SLC49A3: variants seen among roughly 807,000 people sequenced by gnomAD.
SLC49A3 encodes solute carrier family 49 member A3.
Under a neutral mutation model 43.8 loss-of-function variants are expected in SLC49A3, and 50 were observed. The observed-to-expected ratio is 1.14, with a 90% CI of 0.91 to 1.45. The LOEUF is 1.45. Ranked by LOEUF, SLC49A3 falls within the 40% of genes most tolerant of loss-of-function variation. The pLI is 0.00. For missense variants in SLC49A3, 906 were observed against 774.1 expected (o/e 1.17, Z -2.02); for synonymous variants, 413 against 352.0 (o/e 1.17, Z -1.94).
chr4:687,531 C>T (rs956632415), intron 1 of SLC49A3, among the ~76,000 whole-genome samples: 85 of 152,188 alleles, frequency 5.6e-4, no homozygotes, highest in Non-Finnish European at 1.1e-3. Flanking sequence ...TGGCCGAGCC[C>T]GGGAGAGAAA....
chr4:677,227 G>A (rs1738933086), downstream of SLC49A3, among the ~76,000 whole-genome samples: 1 of 152,148 alleles, frequency 6.6e-6, no homozygotes, highest in Non-Finnish European at 1.5e-5. Context: ...TGCTTGGCCT[G>A]CAGACCCTCC....
chr4:681,381 C>T (rs554932058), downstream of SLC49A3, among the ~76,000 whole-genome samples: 209 of 152,148 alleles, frequency 1.4e-3, 1 homozygote, highest in African/African-American at 4.7e-3. Context: ...CCTCCGCGGC[C>T]TGAGCGTCTG....
chr4:686,578 C>G lies in SLC49A3; in HGVS notation c.248G>C (p.Gly83Ala). Reference protein sequence around the residue: ...LVYLVVSTPFGVAAIWILDSV... With the variant: ...LVYLVVSTPFAVAAIWILDSV... ...GTCCAGGATCCAGATGGCCGCCACG[C>G]CAAATGGGGTGGATACCACGAGGTA... The change falls in exon 2 of 10, where the codon GGC (glycine) becomes GCC (alanine). Residue 83 changes from glycine (G) to alanine (A), a missense_variant. Transcript: ENST00000322224. 3 of 1,613,198 alleles carry G rather than the reference C, an allele frequency of 1.9e-6. No individual in the cohort carries two copies. In the South Asian group the frequency reaches 3.3e-5, roughly 18 times the overall value.
intron 8 of SLC49A3, among the ~76,000 whole-genome samples, 158 bp from the exon 9 acceptor site, chr4:683,048 T>A (rs1740139472): frequency 6.6e-6 from 1 of 152,136 alleles, no homozygotes. Context: ...CGGCCCGGCC[T>A]GCACACAGCA....
At chr4:677,460 T>C (rs1183308645), downstream of SLC49A3, among the ~76,000 whole-genome samples, 1 of 152,144 alleles carries the variant, frequency 6.6e-6, no homozygotes, top group Non-Finnish European at 1.5e-5. Flanking sequence ...TCATCACCCA[T>C]GGGCCAGGCA....
At chr4:678,955 C>T (rs1156773493), downstream of SLC49A3, 1 of 1,613,768 alleles carries the variant, frequency 6.2e-7, no homozygotes, top group Non-Finnish European at 8.5e-7. Flanking sequence ...CCTTGGTCCC[C>T]AGGCATTCAC....
chr4:690,882 C>G (rs1226200156), upstream of SLC49A3, among the ~76,000 whole-genome samples: 1 of 152,220 alleles, frequency 6.6e-6, no homozygotes, highest in East Asian at 1.9e-4. Context: ...TTGATGTATA[C>G]CAACAAGAAA....
upstream of SLC49A3, among the ~76,000 whole-genome samples, chr4:690,338 G>A (rs923384437): frequency 1.3e-5 from 2 of 152,040 alleles, no homozygotes; most frequent in Non-Finnish European, 2.9e-5. Context: ...GAGCCCTGTG[G>A]TCCTCACTCT....
rs1459571750 is a variant in SLC49A3, at chr4:682,877, T to C, written c.1165A>G (p.Ile389Val). Residue 389 changes from isoleucine to valine, a missense_variant, in exon 9 of 10, where the codon ATA becomes GTA. Coordinates refer to ENST00000322224, the MANE Select transcript of SLC49A3 (RefSeq NM_032219.4). ...GCCGTCATTGCCAGCATGATGAGTA[T>C]TCCCTCGGCCTGCCTGGACACACGT... Reference protein sequence around the residue: ...MIFVLGQAEGILIMLAMTALT... With the variant: ...MIFVLGQAEGVLIMLAMTALT... 6.3e-7 allele frequency: 1 copy of C among 1,596,534 alleles called. No homozygotes were observed. Among genetic ancestry groups the C allele is most frequent in the Admixed American group, 1.7e-5 (1 of 59,378 alleles).
downstream of SLC49A3, among the ~76,000 whole-genome samples, chr4:681,541 G>A (rs1473183181): frequency 1.0e-5 from 1 of 96,158 alleles, no homozygotes; most frequent in African/African-American, 4.1e-5. Context: ...GGTCCTCCCC[G>A]ACGCTGCTGA....
At chr4:680,876 ACCT>A (rs1739404174), downstream of SLC49A3, 2 of 648,526 alleles carry the variant, frequency 3.1e-6, no homozygotes, top group Non-Finnish European at 5.3e-6. Flanking sequence ...CTGGCCTGTA[ACCT>A]CCTTCCGGCT....
chr4:686,183 A>C lies in SLC49A3; in HGVS notation c.414T>G (p.Leu138=). Reference sequence around the variant, plus strand: ...GAGAGAAGATGACCAGGCTCTGGGCAAGGGCACAGAGGCTCTGGCCACCCA... The same window carrying C: ...GAGAGAAGATGACCAGGCTCTGGGCCAGGGCACAGAGGCTCTGGCCACCCA... The part of the protein sequence containing the change: ...FLMGGQSLCA[L]AQSLVIFSPA... Residue 138 remains leucine (L), a synonymous_variant, in exon 3 of 10, where the codon CTT becomes CTG. Coordinates refer to ENST00000322224, the MANE Select transcript of SLC49A3 (RefSeq NM_032219.4). 1 of 1,613,492 alleles carries C rather than the reference A, an allele frequency of 6.2e-7. No homozygotes were observed. The highest frequency in any genetic ancestry group is 1.1e-5 in the South Asian group (1 of 91,090).
chr4:678,105 A>G, downstream of SLC49A3: 5 of 1,585,704 alleles, frequency 3.2e-6, no homozygotes, highest in South Asian at 1.1e-5. Context: ...ATGCGCACAG[A>G]CGAGCGTGGG....
intron 6 of SLC49A3, 39 bp from the exon 7 acceptor site, chr4:683,800 A>C: frequency 3.3e-6 from 5 of 1,535,916 alleles, no homozygotes; most frequent in Non-Finnish European, 4.4e-6. Flanking sequence ...CCAAGAGGCC[A>C]CCATTATCCT....
downstream of SLC49A3, chr4:679,033 G>T (rs1016067590): frequency 6.2e-7 from 1 of 1,613,442 alleles, no homozygotes; most frequent in Non-Finnish European, 8.5e-7. Flanking sequence ...TGCCTCCCTG[G>T]GTAGGTACCC....
At chr4:677,047 G>T, downstream of SLC49A3, 1 of 442,650 alleles carries the variant, frequency 2.3e-6, no homozygotes, top group Non-Finnish European at 3.0e-6. Flanking sequence ...GGCGCCCCCA[G>T]GGATCCCACC....
chr4:682,233 G>T lies in SLC49A3; in HGVS notation c.1405C>A (p.Pro469Thr). Residue 469 changes from proline to threonine, a missense_variant, in exon 10 of 10, where the codon CCG becomes ACG. Transcript: ENST00000322224. ...CCTGCTCCCCCTCGGTCCACACCCG[G>T]CCCTGAGTCTGCGCCGCCCACGGCG... ...RNAVGGADSG[P>T]GVDRGGAGRA... is the part of the protein sequence containing the mutation. 1 of 1,379,912 alleles carries T rather than the reference G, an allele frequency of 7.2e-7. No individual in the cohort carries two copies. Among genetic ancestry groups the T allele is most frequent in the Non-Finnish European group, 9.5e-7 (1 of 1,055,882 alleles). The allele number at this position is 1,379,912 out of a possible 1,614,324, so 85.5% of individuals were successfully genotyped here. A position where few individuals can be genotyped will look rare whatever the true frequency, so the allele number is the denominator to read the frequency against.
chr4:690,276 G>A (rs952457779), upstream of SLC49A3, among the ~76,000 whole-genome samples: 16 of 151,808 alleles, frequency 1.1e-4, 1 homozygote, highest in African/African-American at 3.9e-4. Flanking sequence ...CACCCGGGGT[G>A]TCCTGAGATG....
intron 7 of SLC49A3, 49 bp from the exon 8 acceptor site, chr4:683,416 G>C (rs752982959): frequency 6.3e-7 from 1 of 1,581,610 alleles, no homozygotes. Context: ...GTGGCAGTCA[G>C]AACTGGACCT....
Sources: gnomAD v4.1 joint callset for allele counts (sites outside exome capture counted in the v4.1 genomes callset) on GRCh38, gnomAD v4.1.1 for gene constraint, MANE v1.5 for transcripts, NCBI Gene and HGNC (gene_info 2026-07-23, HGNC 2026-07-21) for gene names.